The following LRRTM4 variants were observed in gnomAD, a reference collection of about 807,000 sequenced individuals.
LRRTM4 encodes the protein leucine-rich repeat transmembrane neuronal protein 4.
LRRTM4 carries 25 observed loss-of-function variants against 47.6 expected under a neutral mutation model. The observed-to-expected ratio is 0.53, with a 90% CI of 0.38 to 0.73. The LOEUF (loss-of-function observed/expected upper bound fraction) is 0.73. Ranked by LOEUF, LRRTM4 falls within the 30% of genes least tolerant of loss-of-function variation. The pLI is 0.00. For missense variants in LRRTM4, 638 were observed against 713.4 expected (o/e 0.89, Z 1.20); for synonymous variants, 311 against 269.5 (o/e 1.15, Z -1.51).
intron 3 of LRRTM4, among the ~76,000 whole-genome samples, chr2:76,953,425 G>C (rs1311486333): frequency 6.6e-6 from 1 of 151,824 alleles, no homozygotes; most frequent in Non-Finnish European, 1.5e-5. Context: ...TCAAACAAGA[G>C]AGCACCTTTC....
chr2:76,905,353 T>A (rs1390556770), intron 3 of LRRTM4, among the ~76,000 whole-genome samples: 2 of 151,918 alleles, frequency 1.3e-5, no homozygotes, highest in Non-Finnish European at 2.9e-5. Context: ...CATCTGTACA[T>A]CACCATCATC....
chr2:76,906,373 T>C (rs2103763180), intron 3 of LRRTM4, among the ~76,000 whole-genome samples: 1 of 152,116 alleles, frequency 6.6e-6, no homozygotes, highest in South Asian at 2.1e-4. Context: ...GAACAACCAG[T>C]ACCAGATGCT....
At chr2:76,964,876 A>G (rs1268370543) in intron 3 of LRRTM4, among the ~76,000 whole-genome samples, 3 of 150,384 alleles carry the variant, frequency 2.0e-5, no homozygotes, top group Non-Finnish European at 3.0e-5. Context: ...TAATTTTCCC[A>G]TGGACATTAA....
chr2:76,858,356 G>A (rs1313922850), intron 3 of LRRTM4, among the ~76,000 whole-genome samples: 5 of 152,098 alleles, frequency 3.3e-5, no homozygotes, highest in African/African-American at 7.2e-5. Context: ...GACTTTTTCC[G>A]ACCTGAAGTC....
intron 3 of LRRTM4, among the ~76,000 whole-genome samples, chr2:77,281,082 G>A (rs375332926): frequency 3.1e-4 from 47 of 151,950 alleles, no homozygotes; most frequent in African/African-American, 1.1e-3. Flanking sequence ...TTTATTTCAG[G>A]TACTGACTAA....
At chr2:77,174,922 G>A (rs569037655) in intron 3 of LRRTM4, among the ~76,000 whole-genome samples, 8 of 151,914 alleles carry the variant, frequency 5.3e-5, no homozygotes, top group South Asian at 2.1e-4. Context: ...TTTTGTGCCC[G>A]GAGCTTCTTT....
chr2:77,108,592 CT>C lies in LRRTM4; in HGVS notation c.1552-359677del, dbSNP rs1193270795. ...ACACAAACATTCTTTTTTTTTTTTT[CT>C]TTTTTTTTGAGACGGAGTCTCGCTC... On this transcript the variant is annotated intron_variant, in intron 3 of 3. Transcript: ENST00000409884. 3.0e-5 allele frequency among the ~76,000 whole-genome samples: 3 copies of C among 99,720 alleles called. No individual in the cohort carries two copies. In the East Asian group the frequency reaches 9.4e-4, roughly 31 times the overall value. The allele number at this position is 99,720 out of a possible 152,430, so 65.4% of individuals were successfully genotyped here.
chr2:76,798,750 A>G (rs1322163865), intron 3 of LRRTM4, among the ~76,000 whole-genome samples: 2,051 of 150,858 alleles, frequency 0.014, 34 homozygotes, highest in African/African-American at 0.046. Context: ...TAGATGCAAT[A>G]AAAAATGATA....
At chr2:77,490,397 T>C (rs1323138877) in intron 3 of LRRTM4, among the ~76,000 whole-genome samples, 2 of 152,104 alleles carry the variant, frequency 1.3e-5, no homozygotes, top group African/African-American at 2.4e-5. Flanking sequence ...AAACTATTTA[T>C]AAATTTGAAA....
chr2:76,775,984 G>A (rs1244690154), intron 3 of LRRTM4, among the ~76,000 whole-genome samples: 1 of 133,560 alleles, frequency 7.5e-6, no homozygotes, highest in South Asian at 2.5e-4. Context: ...TTCACTTCCC[G>A]CCTATGAGTG....
At chr2:76,793,188 T>TA (rs1202902968) in intron 3 of LRRTM4, among the ~76,000 whole-genome samples, 4 of 152,198 alleles carry the variant, frequency 2.6e-5, no homozygotes, top group Non-Finnish European at 2.9e-5. Context: ...AACCTATTTA[T>TA]ACTCTAGGTT....
intron 3 of LRRTM4, among the ~76,000 whole-genome samples, chr2:76,961,077 T>C (rs1197868086): frequency 6.6e-6 from 1 of 151,490 alleles, no homozygotes; most frequent in Admixed American, 6.6e-5. Flanking sequence ...ATATATTAAC[T>C]CATTATCTAC....
At chr2:77,071,798 T>A (rs1159285942) in intron 3 of LRRTM4, among the ~76,000 whole-genome samples, 2 of 152,190 alleles carry the variant, frequency 1.3e-5, no homozygotes, top group East Asian at 3.9e-4. Flanking sequence ...ATATACAGTA[T>A]CTGTTGTTGA....
chr2:77,249,972 G>A (rs986993891), intron 3 of LRRTM4, among the ~76,000 whole-genome samples: 4 of 152,102 alleles, frequency 2.6e-5, no homozygotes, highest in African/African-American at 9.7e-5. Context: ...CTATATAATG[G>A]TATATAATTC....
chr2:77,004,626 G>A (rs566088940), intron 3 of LRRTM4, among the ~76,000 whole-genome samples: 2 of 152,242 alleles, frequency 1.3e-5, no homozygotes, highest in East Asian at 1.9e-4. Flanking sequence ...GTCCCCAATG[G>A]GGCACTGTCT....
chr2:77,093,552 GCCCT>G (rs2103893137), intron 3 of LRRTM4, among the ~76,000 whole-genome samples: 1 of 151,766 alleles, frequency 6.6e-6, no homozygotes, highest in South Asian at 2.1e-4. Flanking sequence ...GCTTGAAGCA[GCCCT>G]GAGAAACATC....
At chr2:77,080,092 T>G (rs534635912) in intron 3 of LRRTM4, among the ~76,000 whole-genome samples, 1 of 152,322 alleles carries the variant, frequency 6.6e-6, no homozygotes, top group South Asian at 2.1e-4. Flanking sequence ...TTACTCTCAT[T>G]AAACCCTTCA....
At chr2:77,304,478 G>A (rs1198295115) in intron 3 of LRRTM4, among the ~76,000 whole-genome samples, 3 of 151,946 alleles carry the variant, frequency 2.0e-5, no homozygotes, top group Admixed American at 6.6e-5. Flanking sequence ...CACTTCAATG[G>A]AACTTCTTTT....
At chr2:76,966,262 T>C (rs987895894) in intron 3 of LRRTM4, among the ~76,000 whole-genome samples, 4 of 150,832 alleles carry the variant, frequency 2.7e-5, no homozygotes, top group African/African-American at 4.9e-5. Flanking sequence ...AATTCTAGTA[T>C]CAGGTGAAAT....
Sources: gnomAD v4.1 joint callset for allele counts (sites outside exome capture counted in the v4.1 genomes callset) on GRCh38, gnomAD v4.1.1 for gene constraint, MANE v1.5 for transcripts, NCBI Gene and HGNC (gene_info 2026-07-23, HGNC 2026-07-21) for gene names.